Variants in UBE2D4 observed in about 807,000 individuals in gnomAD.
UBE2D4 encodes the protein ubiquitin-conjugating enzyme E2 D4.
Under a neutral mutation model 23.0 loss-of-function variants are expected in UBE2D4, and 17 were observed. That is an observed-to-expected ratio of 0.74 (90% CI 0.51 to 1.11). The LOEUF is 1.11. UBE2D4 is among the 50% of genes least tolerant of loss of function. The pLI is 0.00. For synonymous variants in UBE2D4, 61 were observed against 69.4 expected (o/e 0.88, Z 0.60); for missense variants, 139 against 181.8 (o/e 0.76, Z 1.35).
intron 4 of UBE2D4, chr7:43,943,925 C>A: frequency 6.5e-6 from 1 of 153,556 alleles, no homozygotes. Flanking sequence ...TGGTTGGCAG[C>A]AGGAGCCAGG....
At chr7:43,938,564 G>A (rs564996507) in intron 2 of UBE2D4, 70 bp downstream of exon 2, 18 of 1,478,704 alleles carry the variant, frequency 1.2e-5, no homozygotes, top group African/African-American at 8.3e-5. Flanking sequence ...GGCCAGGTGC[G>A]GTGGCTCACG....
intron 5 of UBE2D4, 53 bp from the exon 6 acceptor site, chr7:43,950,546 G>T: frequency 6.8e-7 from 1 of 1,460,936 alleles, no homozygotes; most frequent in Middle Eastern, 1.7e-4. Context: ...TTACCCAGGG[G>T]TGACCCAGCA....
chr7:43,933,669 A>G (rs1030206996), intron 1 of UBE2D4, among the ~76,000 whole-genome samples: 19 of 152,156 alleles, frequency 1.2e-4, no homozygotes, highest in African/African-American at 3.4e-4. Flanking sequence ...GCTTGAACCC[A>G]GTAGGCAGAG....
At chr7:43,941,682 A>T (rs946418315) in intron 2 of UBE2D4, 1 of 152,250 alleles carries the variant, frequency 6.6e-6, no homozygotes, top group African/African-American at 2.4e-5. Flanking sequence ...AAGGAATAGA[A>T]GGGTTTATAA....
At chr7:43,933,006 A>ATC (rs2095949721) in intron 1 of UBE2D4, among the ~76,000 whole-genome samples, 1 of 135,480 alleles carries the variant, frequency 7.4e-6, no homozygotes, top group Non-Finnish European at 1.6e-5. Flanking sequence ...ATATATATAT[A>ATC]TATATATACA....
intron 1 of UBE2D4, among the ~76,000 whole-genome samples, chr7:43,934,453 C>CTTTTTTTTTTTTTTTTT (rs36122809): frequency 7.0e-6 from 1 of 142,236 alleles, no homozygotes; most frequent in African/African-American, 2.6e-5. Context: ...CTTGTTTTTC[C>CTTTTTTTTTTTTTTTTT]TTTTTTTTTT....
rs1198124884 is a variant in UBE2D4 at position 43,953,513 on chromosome 7, G to A, written c.*818G>A. On this transcript the variant is annotated 3_prime_UTR_variant, in exon 7 of 7. Coordinates refer to ENST00000222402, the MANE Select transcript of UBE2D4 (RefSeq NM_015983.4). ...AGCCATTCACAGACTAGAACACAAG[G>A]AGGGAGAGAGACTCTTAAACGTAAA... 4.3e-6 allele frequency: 1 copy of A among 233,626 alleles called. No individual in the cohort carries two copies. The highest frequency in any genetic ancestry group is 8.6e-6 in the Non-Finnish European group (1 of 116,006). 14.5% of individuals were successfully genotyped at this position (233,626 alleles called of 1,614,324 possible).
intron 1 of UBE2D4, among the ~76,000 whole-genome samples, chr7:43,927,775 C>T (rs550105116): frequency 3.9e-5 from 6 of 152,312 alleles, no homozygotes; most frequent in Admixed American, 3.9e-4. Flanking sequence ...TTCCTAGCCT[C>T]CCAGTCCTAC....
rs1215058664 is a variant in UBE2D4 at position 43,952,989 on chromosome 7, TG to T, written c.*300del. On this transcript the variant is annotated 3_prime_UTR_variant, in exon 7 of 7. Coordinates refer to ENST00000222402, the MANE Select transcript of UBE2D4 (RefSeq NM_015983.4). ...CGCCTCAGTTTGTCTGCTGGTCTCT[TG>T]GGGGGCCAGGCCCTGCACGTCTCTC... 2 of 404,484 alleles carry T rather than the reference TG, an allele frequency of 4.9e-6. No individual in the cohort carries two copies. Among genetic ancestry groups the T allele is most frequent in the Admixed American group, 3.4e-5 (1 of 29,704 alleles). The allele number at this position is 404,484 out of a possible 1,614,324, so 25.1% of individuals were successfully genotyped here. A position where few individuals can be genotyped will look rare whatever the true frequency, so the allele number is the denominator to read the frequency against.
At position 43,953,153 on chromosome 7, in the gene UBE2D4, C is replaced by T. The variant is rs1385526756; in HGVS notation, c.*458C>T. Reference sequence around the variant, plus strand: ...CAGGGCAGAGCAGGCTTTGTTCGCACCTCATCTGCTGCAGAACCACATCCT... The same window carrying T: ...CAGGGCAGAGCAGGCTTTGTTCGCATCTCATCTGCTGCAGAACCACATCCT... On this transcript the variant is annotated 3_prime_UTR_variant, in exon 7 of 7. Transcript: ENST00000222402. The T allele has an allele frequency of 4.4e-6, 2 of 456,822 alleles. No homozygotes were observed. Among genetic ancestry groups the T allele is most frequent in the Admixed American group, 2.3e-5 (1 of 42,578 alleles). The allele number at this position is 456,822 out of a possible 1,614,324, so 28.3% of individuals were successfully genotyped here.
At chr7:43,948,510 C>G (rs2095993680) in intron 4 of UBE2D4, 122 bp from the exon 5 acceptor site, 1 of 664,364 alleles carries the variant, frequency 1.5e-6, no homozygotes, top group African/African-American at 1.8e-5. Flanking sequence ...TTAGCCTGCA[C>G]TGTGGGGCCA....
At chr7:43,939,041 C>T (rs1272442688) in intron 2 of UBE2D4, among the ~76,000 whole-genome samples, 1 of 152,254 alleles carries the variant, frequency 6.6e-6, no homozygotes, top group Non-Finnish European at 1.5e-5. Flanking sequence ...CTTCCCTCTT[C>T]TGGCGCATGA....
At chr7:43,951,584 G>A (rs1188757636) in intron 6 of UBE2D4, among the ~76,000 whole-genome samples, 2 of 151,924 alleles carry the variant, frequency 1.3e-5, no homozygotes, top group East Asian at 1.9e-4. Context: ...AGTCTGAAGT[G>A]CAGTGGTGTG....
intron 1 of UBE2D4, among the ~76,000 whole-genome samples, chr7:43,927,661 T>C (rs2095935695): frequency 6.6e-6 from 1 of 152,152 alleles, no homozygotes; most frequent in African/African-American, 2.4e-5. Context: ...ACTTATTTAG[T>C]CATTACCTGT....
Position 43,950,680 on chromosome 7 carries a change from C to T in UBE2D4, c.386C>T (p.Ala129Val). ...CCAGAGATAGCACACACCTACAAGG[C>T]CGACAGAGAGAAGTACGTGTCCTCT... Reference protein sequence around the residue: ...LVPEIAHTYKADREKYNRLAR... With the variant: ...LVPEIAHTYKVDREKYNRLAR... The change falls in exon 6 of 7, where the codon GCC becomes GTC. Residue 129 changes from alanine (A) to valine (V), a missense_variant. Physicochemically the swap from Ala to Val is moderately conservative, Grantham distance 64. Transcript: ENST00000222402. 6.2e-7 allele frequency: 1 copy of T among 1,614,110 alleles called. No individual in the cohort carries two copies. Among genetic ancestry groups the T allele is most frequent in the African/African-American group, 1.3e-5 (1 of 75,054 alleles).
chr7:43,952,320 C>G (rs2132807510), intron 6 of UBE2D4: 1 of 278,006 alleles, frequency 3.6e-6, no homozygotes, highest in East Asian at 7.7e-5. Context: ...CTTTGTGTGT[C>G]TCTTCTCTGT....
At chr7:43,929,226 A>T (rs1763753459) in intron 1 of UBE2D4, among the ~76,000 whole-genome samples, 1 of 152,102 alleles carries the variant, frequency 6.6e-6, no homozygotes, top group African/African-American at 2.4e-5. Flanking sequence ...GGAGTTTGAG[A>T]CCAGCCTGGC....
chr7:43,946,890 A>T (rs1347675088), intron 4 of UBE2D4, among the ~76,000 whole-genome samples: 2 of 149,978 alleles, frequency 1.3e-5, no homozygotes, highest in African/African-American at 4.9e-5. Flanking sequence ...TTTTTTTTTT[A>T]TTATTATACT....
Position 43,952,939 on chromosome 7 carries a change from G to A in UBE2D4, c.*244G>A, listed in dbSNP as rs1165764749. Reference sequence around the variant, plus strand: ...GTTGTTATGATCTGCAGTCTTCCTGGTGACACTGGAATCTCTCTCTCTGCC... The same window carrying A: ...GTTGTTATGATCTGCAGTCTTCCTGATGACACTGGAATCTCTCTCTCTGCC... On this transcript the variant is annotated 3_prime_UTR_variant, in exon 7 of 7. Coordinates refer to ENST00000222402, the MANE Select transcript of UBE2D4 (RefSeq NM_015983.4). The A allele has an allele frequency of 2.2e-6, 1 of 458,324 alleles. No individual in the cohort carries two copies. Among genetic ancestry groups the A allele is most frequent in the African/African-American group, 2.0e-5 (1 of 50,268 alleles). 28.4% of individuals were successfully genotyped at this position (458,324 alleles called of 1,614,324 possible).
Sources: gnomAD v4.1 joint callset for allele counts (sites outside exome capture counted in the v4.1 genomes callset) on GRCh38, gnomAD v4.1.1 for gene constraint, MANE v1.5 for transcripts, NCBI Gene and HGNC (gene_info 2026-07-23, HGNC 2026-07-21) for gene names.